PHACTR2: variants seen among roughly 807,000 people sequenced by gnomAD.
PHACTR2 encodes phosphatase and actin regulator 2.
In PHACTR2, 30 loss-of-function variants were observed where a neutral mutation model predicts 76.0. The ratio of observed to expected loss-of-function variants is 0.39; its 90% CI spans 0.30 to 0.54. The LOEUF (loss-of-function observed/expected upper bound fraction) is 0.54, where lower values mean the gene tolerates loss of function less well. PHACTR2 is among the 20% of genes least tolerant of loss of function. PHACTR2 has a pLI of 0.61. For missense variants in PHACTR2, 696 were observed against 781.1 expected (o/e 0.89, Z 1.30); for synonymous variants, 292 against 292.5 (o/e 1.00, Z 0.02).
At chr6:143,629,773 CATG>C (rs911404135) in intron 1 of PHACTR2, among the ~76,000 whole-genome samples, 2 of 152,076 alleles carry the variant, frequency 1.3e-5, no homozygotes, top group Non-Finnish European at 2.9e-5. Flanking sequence ...TGCGCTCTTC[CATG>C]ATGAGAATGT....
In PHACTR2 at chr6:143,782,322, A is replaced by T. The variant is rs1402004365; in HGVS notation, c.1646-897A>T. On this transcript the variant is annotated intron_variant, in intron 9 of 12. Coordinates refer to ENST00000440869, the MANE Select transcript of PHACTR2 (RefSeq NM_001100164.2). The surrounding 1 kb of genome is among the most constrained non-coding windows in gnomAD (Gnocchi z 4.6). ...GCTTTATATGGTGTTATTTTCCTGCAAAAGAGTTCATAATAGCACTTTCTA... is the reference window on the plus strand; with the variant it reads ...GCTTTATATGGTGTTATTTTCCTGCTAAAGAGTTCATAATAGCACTTTCTA... 6.6e-6 allele frequency among the ~76,000 whole-genome samples: 1 copy of T among 152,182 alleles called. No homozygotes were observed. Among genetic ancestry groups the T allele is most frequent in the Non-Finnish European group, 1.5e-5 (1 of 68,036 alleles).
rs1779335527 is a variant in PHACTR2 at position 143,757,770 on chromosome 6, C to T, written c.455-2631C>T. Among the ~76,000 whole-genome samples the T allele has an allele frequency of 6.6e-6, 1 of 152,150 alleles. No homozygotes were observed. The highest frequency in any genetic ancestry group is 1.5e-5 in the Non-Finnish European group (1 of 68,010). ...CATTACCTCCCAGCTCCAACTAAAG[C>T]TCTGTTTTCTACTGATGTGTGTGTC... On this transcript the variant is annotated intron_variant, in intron 4 of 12. Transcript: ENST00000440869. This position sits in a 1 kb window ranked among gnomAD's most constrained non-coding sequence, Gnocchi z 4.2.
At chr6:143,815,932 A>C (rs965274259) in intron 12 of PHACTR2, among the ~76,000 whole-genome samples, 5 of 151,896 alleles carry the variant, frequency 3.3e-5, no homozygotes, top group African/African-American at 9.7e-5. Context: ...AAGATGAATA[A>C]TTTTTTAAAA....
rs1273531634 is a variant in PHACTR2 at position 143,782,286 on chromosome 6, T to G, written c.1646-933T>G. Among the ~76,000 whole-genome samples, 2 of 152,140 alleles carry G rather than the reference T, an allele frequency of 1.3e-5. No individual in the cohort carries two copies. Among genetic ancestry groups the G allele is most frequent in the African/African-American group, 4.8e-5 (2 of 41,442 alleles). ...TAGAAGAAGTTTTCCTTTTTCAACC[T>G]TTTGGTCAAGGCTTTATATGGTGTT... is the stretch of plus-strand genomic sequence containing the variant. On this transcript the variant is annotated intron_variant, in intron 9 of 12. Coordinates refer to ENST00000440869, the MANE Select transcript of PHACTR2 (RefSeq NM_001100164.2). This position sits in a 1 kb window ranked among gnomAD's most constrained non-coding sequence, Gnocchi z 4.6.
chr6:143,705,039 A>T (rs1415475971), intron 1 of PHACTR2, among the ~76,000 whole-genome samples: 1 of 151,876 alleles, frequency 6.6e-6, no homozygotes, highest in Non-Finnish European at 1.5e-5. Flanking sequence ...TGTTAGCCAG[A>T]TGGTCTCCAT....
intron 4 of PHACTR2, among the ~76,000 whole-genome samples, chr6:143,759,615 C>T (rs1485937783): frequency 7.0e-6 from 1 of 142,326 alleles, no homozygotes; most frequent in African/African-American, 2.7e-5. Flanking sequence ...AGTGAGAGAG[C>T]GAGACCCTAT....
At chr6:143,707,424 C>T (rs796787939) in intron 1 of PHACTR2, among the ~76,000 whole-genome samples, 3 of 152,296 alleles carry the variant, frequency 2.0e-5, no homozygotes, top group African/African-American at 4.8e-5. Context: ...TCCCGCAGGG[C>T]GGCTCTCAGT....
At chr6:143,675,348 CATT>C (rs1320866754), upstream of PHACTR2, among the ~76,000 whole-genome samples, 1 of 152,120 alleles carries the variant, frequency 6.6e-6, no homozygotes, top group Admixed American at 6.5e-5. The surrounding 1 kb of genome is among the most constrained non-coding windows in gnomAD (Gnocchi z 4.9). Flanking sequence ...TATGATGCGG[CATT>C]ATTATAACAG....
chr6:143,711,955 G>A (rs1778184578), intron 1 of PHACTR2, 61 bp from the exon 2 acceptor site: 2 of 1,422,342 alleles, frequency 1.4e-6, no homozygotes, highest in Middle Eastern at 1.8e-4. Context: ...ACCAATTGAT[G>A]ATGTGGTTTT....
At chr6:143,715,645 C>G (rs903308489) in intron 2 of PHACTR2, among the ~76,000 whole-genome samples, 3 of 152,122 alleles carry the variant, frequency 2.0e-5, no homozygotes, top group Non-Finnish European at 4.4e-5. Flanking sequence ...AGGTAGGGTA[C>G]TAATAAATGC....
chr6:143,590,533 T>A (rs1203009880), intron 1 of PHACTR2, among the ~76,000 whole-genome samples: 4 of 151,594 alleles, frequency 2.6e-5, no homozygotes, highest in African/African-American at 9.7e-5. Flanking sequence ...AGAAAGCTAA[T>A]TACAGCATCC....
At chr6:143,756,920 A>C (rs1779314621) in intron 4 of PHACTR2, among the ~76,000 whole-genome samples, 1 of 151,696 alleles carries the variant, frequency 6.6e-6, no homozygotes, top group African/African-American at 2.4e-5. Context: ...GGTGGTGGGC[A>C]CCTGTAATCC....
Position 143,803,565 on chromosome 6 carries a change from TA to T in PHACTR2, c.1846-3489del, listed in dbSNP as rs907544490. ...CCTGTCTCAAATAAATAAAAATAAA[TA>T]AATGAATATAAAAACTGTTCTTGGA... On this transcript the variant is annotated intron_variant, in intron 11 of 12. Coordinates refer to ENST00000440869, the MANE Select transcript of PHACTR2 (RefSeq NM_001100164.2). This position sits in a 1 kb window ranked among gnomAD's most constrained non-coding sequence, Gnocchi z 4.7. 5.9e-5 allele frequency among the ~76,000 whole-genome samples: 9 copies of T among 152,036 alleles called. No individual in the cohort carries two copies. The highest frequency in any genetic ancestry group is 1.3e-4 in the Non-Finnish European group (9 of 67,984).
chr6:143,732,781 A>G (rs1464466553), intron 2 of PHACTR2, among the ~76,000 whole-genome samples: 1 of 152,142 alleles, frequency 6.6e-6, no homozygotes, highest in East Asian at 1.9e-4. Flanking sequence ...TAATTTCTCT[A>G]CACTCCAGCC....
rs963548970 is a variant in PHACTR2, at chr6:143,633,157, T to C, written c.13+24835T>C. The stretch of plus-strand genomic sequence containing the variant: ...CAATTGCTGAATCATAGGGTGAGAG[T>C]ATATTTAGTTTTATAAGAAACTGCT... On this transcript the variant is annotated intron_variant, in intron 1 of 11. Coordinates refer to the PHACTR2 transcript ENST00000305766. This position sits in a 1 kb window ranked among gnomAD's most constrained non-coding sequence, Gnocchi z 4.1. Among the ~76,000 whole-genome samples, 1 of 152,014 alleles carries C rather than the reference T, an allele frequency of 6.6e-6. No individual in the cohort carries two copies. The highest frequency in any genetic ancestry group is 2.4e-5 in the African/African-American group (1 of 41,352).
chr6:143,786,240 C>T (rs1337005110), intron 10 of PHACTR2, among the ~76,000 whole-genome samples: 4 of 152,166 alleles, frequency 2.6e-5, no homozygotes, highest in South Asian at 4.1e-4. Context: ...CAAAGTTCCA[C>T]GAATCTCTAG....
Position 143,557,414 on chromosome 6 carries a change from C to A in PHACTR2, c.217+20207C>A, listed in dbSNP as rs987497299. 1 of 152,222 alleles carries A rather than the reference C, an allele frequency of 6.6e-6. No homozygotes were observed. The highest frequency in any genetic ancestry group is 1.5e-5 in the Non-Finnish European group (1 of 68,082). 9.4% of individuals were successfully genotyped at this position (152,222 alleles called of 1,614,324 possible). A position where few individuals can be genotyped will look rare whatever the true frequency, so the allele number is the denominator to read the frequency against. ...CTGAGTCCAAGTTCAGGGCTGCTGC[C>A]GTAACCCCATTCGTTGCACTCCCAC... On this transcript the variant is annotated intron_variant, in intron 1 of 11. Transcript: ENST00000367584. The surrounding 1 kb of genome is among the most constrained non-coding windows in gnomAD (Gnocchi z 5.5).
At chr6:143,717,205 G>A (rs577169742) in intron 2 of PHACTR2, among the ~76,000 whole-genome samples, 2 of 152,110 alleles carry the variant, frequency 1.3e-5, no homozygotes, top group East Asian at 1.9e-4. Flanking sequence ...CTGTTCCTAT[G>A]AGCACCTCCT....
At position 143,581,448 on chromosome 6, in the gene PHACTR2, G is replaced by A. The variant is rs1300951218; in HGVS notation, c.217+44241G>A. 6.6e-6 allele frequency among the ~76,000 whole-genome samples: 1 copy of A among 152,166 alleles called. No individual in the cohort carries two copies. The highest frequency in any genetic ancestry group is 1.5e-5 in the Non-Finnish European group (1 of 68,038). On this transcript the variant is annotated intron_variant, in intron 1 of 11. Transcript: ENST00000367584. This position sits in a 1 kb window ranked among gnomAD's most constrained non-coding sequence, Gnocchi z 4.5. ...AGGCATGATCTCGGAGAGGGCGCTTGTTTGGGGGTTACTCAGTGAGACCTG... is the reference window on the plus strand; with the variant it reads ...AGGCATGATCTCGGAGAGGGCGCTTATTTGGGGGTTACTCAGTGAGACCTG...
Sources: gnomAD v4.1 joint callset for allele counts (sites outside exome capture counted in the v4.1 genomes callset) on GRCh38, gnomAD v4.1.1 for gene constraint, Gnocchi (gnomAD v3.1) non-coding constraint, MANE v1.5 for transcripts, NCBI Gene and HGNC (gene_info 2026-07-23, HGNC 2026-07-21) for gene names.